The following HECW2 variants were observed in gnomAD, a reference collection of about 807,000 sequenced individuals.
The protein encoded by HECW2 is E3 ubiquitin-protein ligase HECW2.
HECW2 carries 61 observed loss-of-function variants against 175.2 expected under a neutral mutation model. That is an observed-to-expected ratio of 0.35 (90% CI 0.28 to 0.43). The LOEUF (loss-of-function observed/expected upper bound fraction) is 0.43, where lower values mean the gene tolerates loss of function less well. Ranked by LOEUF, HECW2 falls within the 20% of genes least tolerant of loss-of-function variation. The pLI is 1.00. For synonymous variants in HECW2, 671 were observed against 731.0 expected (o/e 0.92, Z 1.32); for missense variants, 1,524 against 2,000.5 (o/e 0.76, Z 4.54).
intron 15 of HECW2, 59 bp downstream of exon 15, chr2:196,278,469 C>A (rs1690061033): frequency 2.0e-6 from 3 of 1,525,808 alleles, no homozygotes; most frequent in African/African-American, 1.4e-5. Context: ...TTCCTCAAAC[C>A]ATCACATACT....
At chr2:196,578,809 G>A (rs1306569979) in intron 1 of HECW2, among the ~76,000 whole-genome samples, 3 of 152,106 alleles carry the variant, frequency 2.0e-5, no homozygotes, top group Non-Finnish European at 1.5e-5. Context: ...AGCAAAACTT[G>A]AGAGAATCTG....
chr2:196,450,262 A>C (rs1266743407), intron 1 of HECW2, among the ~76,000 whole-genome samples: 1 of 152,214 alleles, frequency 6.6e-6, no homozygotes, highest in African/African-American at 2.4e-5. Flanking sequence ...GCAGAAGGGA[A>C]AGAATCTGAG....
intron 1 of HECW2, among the ~76,000 whole-genome samples, chr2:196,463,243 TA>T (rs1459588511): frequency 3.3e-5 from 5 of 152,016 alleles, no homozygotes; most frequent in Non-Finnish European, 5.9e-5. Flanking sequence ...TTATCAATTG[TA>T]ACTGTTAGCA....
At chr2:196,245,981 G>A (rs1688629343) in intron 19 of HECW2, among the ~76,000 whole-genome samples, 1 of 152,200 alleles carries the variant, frequency 6.6e-6, no homozygotes, top group Non-Finnish European at 1.5e-5. Context: ...AAATACAACT[G>A]TCCAGATGAT....
At chr2:196,248,500 C>A (rs1272857404) in intron 19 of HECW2, among the ~76,000 whole-genome samples, 6 of 150,984 alleles carry the variant, frequency 4.0e-5, no homozygotes, top group Non-Finnish European at 5.9e-5. Flanking sequence ...GGGAAGGGAT[C>A]AAACACCTTT....
intron 2 of HECW2, among the ~76,000 whole-genome samples, chr2:196,398,946 C>T (rs899019590): frequency 6.6e-6 from 1 of 152,190 alleles, no homozygotes; most frequent in African/African-American, 2.4e-5. Context: ...CACCACTGCA[C>T]TCCAGCCTGG....
At chr2:196,527,021 C>T (rs10194595) in intron 1 of HECW2, among the ~76,000 whole-genome samples, 5,451 of 152,116 alleles carry the variant, frequency 0.036, 313 homozygotes, top group African/African-American at 0.12. Flanking sequence ...TGGAGCTTCC[C>T]GGCTGCTTTG....
intron 1 of HECW2, among the ~76,000 whole-genome samples, chr2:196,552,155 G>A (rs1158717108): frequency 1.3e-5 from 2 of 152,194 alleles, no homozygotes; most frequent in Non-Finnish European, 2.9e-5. Context: ...AACCCAAAAT[G>A]ATAAGAATTA....
rs545975891 is a variant in HECW2 at position 196,318,894 on chromosome 2, C to T, written c.1996G>A (p.Ala666Thr). The change falls in exon 9 of 29, where the codon GCA (alanine) becomes ACA (threonine). Residue 666 changes from alanine (A) to threonine (T), a missense_variant. Ala to Thr is a moderately conservative substitution (Grantham distance 58). Transcript: ENST00000644978. The stretch of plus-strand genomic sequence containing the variant: ...AAGGCTGGGGTTTCAGGAAACCGTG[C>T]GCTCTCAAGAGAGGAGCACCGTGTG... The part of the protein sequence containing the change: ...VDTRCSSLES[A>T]RFPETPAFSS... 1.2e-5 allele frequency: 18 copies of T among 1,562,718 alleles called. No individual in the cohort carries two copies. The highest frequency in any genetic ancestry group is 2.4e-5 in the South Asian group (2 of 81,840).
intron 4 of HECW2, among the ~76,000 whole-genome samples, chr2:196,333,682 T>C (rs1431343428): frequency 1.3e-5 from 2 of 152,246 alleles, no homozygotes; most frequent in African/African-American, 2.4e-5. Context: ...ACCACCCATA[T>C]ACAGTGTAGC....
At chr2:196,514,904 T>C (rs1436925691) in intron 1 of HECW2, among the ~76,000 whole-genome samples, 1 of 152,190 alleles carries the variant, frequency 6.6e-6, no homozygotes, top group Non-Finnish European at 1.5e-5. Context: ...ATGGTGGGAC[T>C]AAAAGCGCTG....
intron 2 of HECW2, among the ~76,000 whole-genome samples, chr2:196,347,580 T>C (rs1283729737): frequency 2.0e-5 from 3 of 152,156 alleles, no homozygotes; most frequent in Admixed American, 2.0e-4. Flanking sequence ...AATTGTACCA[T>C]GAGTATTCAG....
rs150726780 is a variant in HECW2 at position 196,228,814 on chromosome 2, G to A, written c.3765-560C>T. Among the ~76,000 whole-genome samples the A allele has an allele frequency of 1.0e-3, 158 of 152,268 alleles. 1 individual carries two copies. In the Middle Eastern group the frequency reaches 0.014, roughly 13 times the overall value. On this transcript the variant is annotated intron_variant, in intron 21 of 28. Transcript: ENST00000644978. ...GTAGCAAAAAATGGAGTGATAAGGT[G>A]CAAATGTTTTAAATGATAAAACACA...
At chr2:196,512,062 C>T (rs1208285698) in intron 1 of HECW2, among the ~76,000 whole-genome samples, 2 of 152,186 alleles carry the variant, frequency 1.3e-5, no homozygotes, top group Non-Finnish European at 1.5e-5. Context: ...CCCACAAGGC[C>T]GAGCAGGTGA....
At chr2:196,238,193 C>T (rs563082801) in intron 21 of HECW2, among the ~76,000 whole-genome samples, 2 of 152,320 alleles carry the variant, frequency 1.3e-5, no homozygotes, top group East Asian at 3.9e-4. Context: ...CATGCCACTG[C>T]ACTCCAGCCT....
chr2:196,208,871 A>G (rs1177342240), intron 28 of HECW2, among the ~76,000 whole-genome samples: 1 of 152,186 alleles, frequency 6.6e-6, no homozygotes, highest in Non-Finnish European at 1.5e-5. Context: ...ATTCTAAGCC[A>G]CCAGAGGGTG....
intron 2 of HECW2, among the ~76,000 whole-genome samples, chr2:196,370,530 GGT>G (rs1427219487): frequency 6.6e-6 from 1 of 152,300 alleles, no homozygotes; most frequent in South Asian, 2.1e-4. Context: ...TACCCCAGCT[GGT>G]GTCTCACTAG....
intron 2 of HECW2, among the ~76,000 whole-genome samples, chr2:196,428,632 T>C (rs1024562489): frequency 2.0e-5 from 3 of 152,180 alleles, no homozygotes; most frequent in Admixed American, 1.3e-4. Context: ...CACTGAAAAT[T>C]TCCACATGGC....
intron 1 of HECW2, among the ~76,000 whole-genome samples, chr2:196,533,595 T>C (rs1242057740): frequency 6.6e-6 from 1 of 151,044 alleles, no homozygotes; most frequent in Non-Finnish European, 1.5e-5. Context: ...GTCATATGTA[T>C]CCTTGTCCAT....
Sources: gnomAD v4.1 joint callset for allele counts (sites outside exome capture counted in the v4.1 genomes callset) on GRCh38, gnomAD v4.1.1 for gene constraint, MANE v1.5 for transcripts, NCBI Gene and HGNC (gene_info 2026-07-23, HGNC 2026-07-21) for gene names.